TAFA1: variants seen among roughly 807,000 people sequenced by gnomAD.
The protein encoded by TAFA1 is chemokine-like protein TAFA-1.
In TAFA1, 4 loss-of-function variants were observed where a neutral mutation model predicts 18.5. That is an observed-to-expected ratio of 0.22 (90% CI 0.11 to 0.49). The LOEUF is 0.49. Among genes scored for constraint, TAFA1 ranks in the 20% least tolerant of loss-of-function variants. The pLI is 0.98. For synonymous variants in TAFA1, 56 were observed against 55.2 expected (o/e 1.01, Z -0.06); for missense variants, 147 against 169.0 (o/e 0.87, Z 0.72).
At chr3:68,424,885 A>G (rs2071022947) in intron 3 of TAFA1, among the ~76,000 whole-genome samples, 1 of 152,002 alleles carries the variant, frequency 6.6e-6, no homozygotes, top group African/African-American at 2.4e-5. Flanking sequence ...AGTCCCCAGA[A>G]TTCCATGCAA....
chr3:68,086,278 A>G (rs1033228130), intron 2 of TAFA1, among the ~76,000 whole-genome samples: 3 of 152,188 alleles, frequency 2.0e-5, no homozygotes, highest in Non-Finnish European at 2.9e-5. Context: ...CTTATCCAGG[A>G]AAGTGTCTAA....
chr3:68,195,596 G>A, intron 2 of TAFA1, among the ~76,000 whole-genome samples: 1 of 151,380 alleles, frequency 6.6e-6, no homozygotes, highest in East Asian at 2.0e-4. Flanking sequence ...GTGGAGACCA[G>A]GAATGCTGTT....
chr3:68,524,028 A>G (rs1383562464), intron 3 of TAFA1, among the ~76,000 whole-genome samples: 2 of 152,214 alleles, frequency 1.3e-5, no homozygotes, highest in Non-Finnish European at 2.9e-5. Flanking sequence ...CTTTTGTTGT[A>G]TAACAAATCT....
At chr3:68,263,715 C>T (rs1381703810) in intron 2 of TAFA1, among the ~76,000 whole-genome samples, 1 of 152,022 alleles carries the variant, frequency 6.6e-6, no homozygotes, top group African/African-American at 2.4e-5. Flanking sequence ...GGATACCATC[C>T]CCTGCCATTC....
At chr3:68,393,620 T>C (rs1012030894) in intron 2 of TAFA1, among the ~76,000 whole-genome samples, 5 of 152,124 alleles carry the variant, frequency 3.3e-5, no homozygotes, top group African/African-American at 9.7e-5. Context: ...CTCTATAATA[T>C]ACTGACAGAC....
At chr3:68,036,844 C>T (rs577980964) in intron 2 of TAFA1, among the ~76,000 whole-genome samples, 99 of 152,284 alleles carry the variant, frequency 6.5e-4, no homozygotes, top group Middle Eastern at 3.4e-3. Context: ...CCTCTCATTT[C>T]GTTGCCAGGG....
intron 2 of TAFA1, among the ~76,000 whole-genome samples, chr3:68,244,781 G>A (rs1375439958): frequency 6.6e-6 from 1 of 152,142 alleles, no homozygotes; most frequent in Non-Finnish European, 1.5e-5. Context: ...ATATTTCTAA[G>A]CACATTCCCT....
chr3:68,349,693 C>A (rs939009227), intron 2 of TAFA1, among the ~76,000 whole-genome samples: 2 of 152,046 alleles, frequency 1.3e-5, no homozygotes, highest in East Asian at 1.9e-4. Flanking sequence ...AGAAAGCAAC[C>A]ATAAGCAATA....
intron 2 of TAFA1, among the ~76,000 whole-genome samples, chr3:68,336,326 TCTAATTTTCA>T: frequency 6.6e-6 from 1 of 152,224 alleles, no homozygotes; most frequent in African/African-American, 2.4e-5. Flanking sequence ...GACTTTGATC[TCTAATTTTCA>T]TGCTTTTGGG....
At chr3:68,289,578 A>G (rs1396346535) in intron 2 of TAFA1, among the ~76,000 whole-genome samples, 1 of 134,984 alleles carries the variant, frequency 7.4e-6, no homozygotes, top group South Asian at 2.3e-4. Flanking sequence ...TTGTGGACCA[A>G]AGTTGAAGCA....
chr3:68,184,771 A>G (rs1012398927), intron 2 of TAFA1, among the ~76,000 whole-genome samples: 2 of 152,140 alleles, frequency 1.3e-5, no homozygotes, highest in Non-Finnish European at 2.9e-5. Flanking sequence ...GTTGACTGCC[A>G]TATGTATAGA....
intron 2 of TAFA1, among the ~76,000 whole-genome samples, chr3:68,359,300 C>A (rs190591623): frequency 6.6e-6 from 1 of 151,940 alleles, no homozygotes; most frequent in Non-Finnish European, 1.5e-5. Context: ...ATAATGATCC[C>A]GCCAATGATA....
chr3:68,267,023 T>C (rs2067561048), intron 2 of TAFA1, among the ~76,000 whole-genome samples: 1 of 152,236 alleles, frequency 6.6e-6, no homozygotes, highest in East Asian at 1.9e-4. Context: ...AGATTTCCCA[T>C]TGATTGACTT....
At chr3:68,291,599 G>A (rs1450798470) in intron 2 of TAFA1, among the ~76,000 whole-genome samples, 1 of 151,778 alleles carries the variant, frequency 6.6e-6, no homozygotes, top group South Asian at 2.1e-4. Context: ...TTGTGAAAAC[G>A]AGTCATTGTA....
chr3:68,113,214 A>T (rs2065281025), intron 2 of TAFA1, among the ~76,000 whole-genome samples: 2 of 152,220 alleles, frequency 1.3e-5, no homozygotes, highest in South Asian at 4.1e-4. Context: ...TATTGTGAGG[A>T]TAGGCAAAGA....
At chr3:68,340,782 T>C (rs1400442244) in intron 2 of TAFA1, among the ~76,000 whole-genome samples, 2 of 152,172 alleles carry the variant, frequency 1.3e-5, no homozygotes, top group Admixed American at 1.3e-4. Flanking sequence ...CATGTTGGGA[T>C]GGATACAAAA....
chr3:68,529,589 G>C (rs1057212181), intron 3 of TAFA1, among the ~76,000 whole-genome samples: 1 of 151,932 alleles, frequency 6.6e-6, no homozygotes, highest in Non-Finnish European at 1.5e-5. Context: ...ATATTTATTT[G>C]GCTCACAGTT....
intron 2 of TAFA1, among the ~76,000 whole-genome samples, chr3:68,075,060 A>C (rs189968413): frequency 6.6e-6 from 1 of 152,344 alleles, no homozygotes; most frequent in African/African-American, 2.4e-5. Flanking sequence ...CAGAAGACAG[A>C]GCCAGGGCCA....
intron 2 of TAFA1, among the ~76,000 whole-genome samples, chr3:68,017,290 G>C (rs1704590104): frequency 6.6e-6 from 1 of 152,156 alleles, no homozygotes; most frequent in African/African-American, 2.4e-5. Context: ...TGAGAATCTA[G>C]GTCACTGGGT....
Sources: allele counts gnomAD v4.1 joint callset (sites outside exome capture counted in the v4.1 genomes callset), GRCh38; gene constraint gnomAD v4.1.1; transcripts MANE v1.5; gene names NCBI Gene and HGNC (gene_info 2026-07-23, HGNC 2026-07-21).